Variants in SNX30 observed in about 807,000 individuals in gnomAD.
SNX30 encodes the protein sorting nexin-30.
In SNX30, 24 loss-of-function variants were observed where a neutral mutation model predicts 46.4. The observed-to-expected ratio is 0.52, with a 90% confidence interval of 0.37 to 0.73. The LOEUF (loss-of-function observed/expected upper bound fraction) is 0.73. SNX30 is among the 30% of genes least tolerant of loss of function. SNX30 has a pLI of 0.00. For missense variants in SNX30, 533 were observed against 555.7 expected, an observed-to-expected ratio of 0.96 and a Z score of 0.41; for synonymous variants, 189 against 211.5, an observed-to-expected ratio of 0.89 and a Z score of 0.92.
intron 1 of SNX30, among the ~76,000 whole-genome samples, chr9:112,770,161 A>C (rs559769660): frequency 6.6e-6 from 1 of 152,182 alleles, no homozygotes; most frequent in Admixed American, 6.5e-5. Context: ...CTTGCTTTTT[A>C]AATTTAATTA....
chr9:112,766,114 C>A (rs185474414), intron 1 of SNX30, among the ~76,000 whole-genome samples: 3 of 152,100 alleles, frequency 2.0e-5, no homozygotes, highest in African/African-American at 7.2e-5. Flanking sequence ...GATCTATTTT[C>A]TTAGCAGATT....
intron 8 of SNX30, among the ~76,000 whole-genome samples, chr9:112,867,485 T>C (rs1841379772): frequency 6.7e-6 from 1 of 150,008 alleles, no homozygotes; most frequent in Non-Finnish European, 1.5e-5. Flanking sequence ...TCAGTATTCC[T>C]CCTCCCTCCT....
rs972057531 is a variant in SNX30, at chr9:112,874,548, AT to A, written c.*5707del. 30 of 152,240 alleles carry A rather than the reference AT, an allele frequency of 2.0e-4. No individual in the cohort carries two copies. Among genetic ancestry groups the A allele is most frequent in the Admixed American group, 6.5e-4 (10 of 15,286 alleles). The allele number at this position is 152,240 out of a possible 1,614,324, so 9.4% of individuals were successfully genotyped here. ...TTTTAAAATAAAAACCTTCTGAGGT[AT>A]TGATGTAGTCCACCGTGTAAATGTT... is the stretch of plus-strand genomic sequence containing the variant. On this transcript the variant is annotated 3_prime_UTR_variant, in exon 9 of 9. Coordinates refer to ENST00000374232, the MANE Select transcript of SNX30 (RefSeq NM_001012994.2).
intron 1 of SNX30, among the ~76,000 whole-genome samples, chr9:112,758,812 A>G (rs1001530918): frequency 6.6e-6 from 1 of 151,776 alleles, no homozygotes; most frequent in African/African-American, 2.4e-5. Context: ...GGAGTTTGAG[A>G]CCAGCCTGGG....
chr9:112,759,107 C>G (rs980625632), intron 1 of SNX30, among the ~76,000 whole-genome samples: 1 of 152,092 alleles, frequency 6.6e-6, no homozygotes, highest in East Asian at 1.9e-4. Flanking sequence ...CTCAAGTGAT[C>G]TTCCTGCCTC....
chr9:112,790,767 G>A (rs1466436129), intron 1 of SNX30, among the ~76,000 whole-genome samples: 1 of 152,138 alleles, frequency 6.6e-6, no homozygotes, highest in African/African-American at 2.4e-5. Flanking sequence ...AAATATAGCA[G>A]TTCATGTTTA....
chr9:112,761,342 T>C (rs1267480283), intron 1 of SNX30, among the ~76,000 whole-genome samples: 1 of 152,188 alleles, frequency 6.6e-6, no homozygotes, highest in African/African-American at 2.4e-5. Flanking sequence ...TTAGTATTTT[T>C]AGTAGAGATG....
rs572222385 is a variant in SNX30 at position 112,823,816 on chromosome 9, A to G, written c.459+6001A>G. ...AATATACCTGCGTTTAGCTTATTCA[A>G]TGGATAAGTTAATAAGTATTGAAAC... is the stretch of plus-strand genomic sequence containing the variant. On this transcript the variant is annotated intron_variant, in intron 3 of 8. Transcript: ENST00000374232. Among the ~76,000 whole-genome samples the G allele has an allele frequency of 8.2e-4, 125 of 152,252 alleles. 4 individuals carry two copies. In the South Asian group the frequency reaches 0.024, roughly 29 times the overall value.
In SNX30 at chr9:112,833,694, C is replaced by T. The variant is rs145409844; in HGVS notation, c.619-2520C>T. ...CACGCTTTCAAAGCTCTACTTGAAGCGGAGCCTGTGCAGTCCAGCGAGCCC... is the reference window on the plus strand; with the variant it reads ...CACGCTTTCAAAGCTCTACTTGAAGTGGAGCCTGTGCAGTCCAGCGAGCCC... On this transcript the variant is annotated intron_variant, in intron 4 of 8. Coordinates refer to ENST00000374232, the MANE Select transcript of SNX30 (RefSeq NM_001012994.2). 8.5e-3 allele frequency among the ~76,000 whole-genome samples: 1,299 copies of T among 152,200 alleles called. 10 individuals carry two copies. Among genetic ancestry groups the T allele is most frequent in the Non-Finnish European group, 0.013 (866 of 68,006 alleles).
At position 112,871,531 on chromosome 9, in the gene SNX30, C is replaced by T. The variant is rs1318150520; in HGVS notation, c.*2688C>T. 6.6e-6 allele frequency: 1 copy of T among 152,006 alleles called. No homozygotes were observed. The highest frequency in any genetic ancestry group is 1.5e-5 in the Non-Finnish European group (1 of 68,020). The allele number at this position is 152,006 out of a possible 1,614,324, so 9.4% of individuals were successfully genotyped here. A position where few individuals can be genotyped will look rare whatever the true frequency, so the allele number is the denominator to read the frequency against. On this transcript the variant is annotated 3_prime_UTR_variant, in exon 9 of 9. Coordinates refer to ENST00000374232, the MANE Select transcript of SNX30 (RefSeq NM_001012994.2). ...ACTTCTTGACTTCACAAAATTGTGG[C>T]CCTGAGATCAGTACTCCTCTCTTAA...
intron 1 of SNX30, among the ~76,000 whole-genome samples, chr9:112,791,007 T>A (rs1303133539): frequency 6.6e-6 from 1 of 152,200 alleles, no homozygotes; most frequent in Non-Finnish European, 1.5e-5. Context: ...ATTTAAAAGG[T>A]CTTCATTTTT....
At chr9:112,815,797 AT>A (rs1215714515) in intron 2 of SNX30, among the ~76,000 whole-genome samples, 1 of 152,202 alleles carries the variant, frequency 6.6e-6, no homozygotes, top group African/African-American at 2.4e-5. Flanking sequence ...AAGTTCTCAC[AT>A]GGAGCCTATC....
Position 112,865,661 on chromosome 9 carries a change from A to ATATATATATG in SNX30, c.1254+1263_1254+1264insATATATATGT. ...TATATATATATATATATATATATAT[A>ATATATATATG]TGTATGTATGTATGCACACACACAC... On this transcript the variant is annotated intron_variant, in intron 8 of 8. Coordinates refer to ENST00000374232, the MANE Select transcript of SNX30 (RefSeq NM_001012994.2). 2.9e-3 allele frequency among the ~76,000 whole-genome samples: 308 copies of ATATATATATG among 105,614 alleles called. 19 individuals carry two copies. The highest frequency in any genetic ancestry group is 0.01 in the Middle Eastern group (2 of 192). 69.3% of individuals were successfully genotyped at this position (105,614 alleles called of 152,430 possible). A position where few individuals can be genotyped will look rare whatever the true frequency, so the allele number is the denominator to read the frequency against.
At chr9:112,763,245 C>T (rs1265908422) in intron 1 of SNX30, among the ~76,000 whole-genome samples, 2 of 151,498 alleles carry the variant, frequency 1.3e-5, no homozygotes, top group Admixed American at 6.6e-5. Context: ...TTGGCTCCTA[C>T]AGCCTCAAAA....
At chr9:112,858,739 C>G (rs2131496611) in intron 7 of SNX30, among the ~76,000 whole-genome samples, 1 of 152,180 alleles carries the variant, frequency 6.6e-6, no homozygotes, top group African/African-American at 2.4e-5. Context: ...CTCCTACCAC[C>G]CCTGGGCTTC....
intron 1 of SNX30, among the ~76,000 whole-genome samples, chr9:112,788,769 G>C (rs1252195005): frequency 2.0e-5 from 3 of 152,072 alleles, no homozygotes; most frequent in Non-Finnish European, 2.9e-5. Context: ...GGGTCAAAGT[G>C]GGCAGAAAAG....
At chr9:112,760,755 G>A (rs4979146) in intron 1 of SNX30, among the ~76,000 whole-genome samples, 25,515 of 152,162 alleles carry the variant, frequency 0.17, 2,542 homozygotes, top group Admixed American at 0.24. Context: ...TACCAATACC[G>A]TGACCTTAAA....
chr9:112,757,647 G>A (rs570018716), intron 1 of SNX30, among the ~76,000 whole-genome samples: 7 of 152,058 alleles, frequency 4.6e-5, no homozygotes, highest in Non-Finnish European at 1.0e-4. Flanking sequence ...TTTTCCCCGC[G>A]TATATCATTT....
chr9:112,879,774 G>C (rs1841555205), downstream of SNX30: 9 of 1,612,476 alleles, frequency 5.6e-6, no homozygotes, highest in Non-Finnish European at 7.6e-6. Context: ...ATTTCTCTAT[G>C]ATGTCTCCAT....
Sources: gnomAD v4.1 joint callset for allele counts (sites outside exome capture counted in the v4.1 genomes callset) on GRCh38, gnomAD v4.1.1 for gene constraint, MANE v1.5 for transcripts, NCBI Gene and HGNC (gene_info 2026-07-23, HGNC 2026-07-21) for gene names.